UNC13B: variants seen among roughly 807,000 people sequenced by gnomAD.
UNC13B encodes unc-13 homolog B, also known as protein unc-13 homolog B.
Under a neutral mutation model 211.0 loss-of-function variants are expected in UNC13B, and 144 were observed. The observed-to-expected ratio is 0.68, with a 90% CI of 0.60 to 0.78. The LOEUF (loss-of-function observed/expected upper bound fraction) is 0.78. Among genes scored for constraint, UNC13B ranks in the 30% least tolerant of loss-of-function variants. UNC13B has a pLI of 0.00. For synonymous variants in UNC13B, 709 were observed against 725.8 expected (o/e 0.98, Z 0.37); for missense variants, 1,777 against 2,002.0 (o/e 0.89, Z 2.14).
intron 7 of UNC13B, among the ~76,000 whole-genome samples, chr9:35,282,546 T>G (rs2131732956): frequency 1.3e-5 from 2 of 152,176 alleles, no homozygotes; most frequent in Admixed American, 1.3e-4. Context: ...ATTCTCCTGC[T>G]TTAGCCTCCT....
chr9:35,259,177 A>G, intron 7 of UNC13B, 127 bp downstream of exon 7: 1 of 989,530 alleles, frequency 1.0e-6, no homozygotes, highest in Non-Finnish European at 1.5e-6. Context: ...TTCCTGAAGC[A>G]CATCTGTTCA....
chr9:35,290,574 T>A (rs1022617433), intron 7 of UNC13B, among the ~76,000 whole-genome samples: 5 of 151,102 alleles, frequency 3.3e-5, no homozygotes, highest in Admixed American at 2.6e-4. Context: ...CTATCTTCGC[T>A]CCCAGACAAG....
chr9:35,223,882 T>C (rs1304169806), intron 1 of UNC13B, among the ~76,000 whole-genome samples: 1 of 152,214 alleles, frequency 6.6e-6, no homozygotes, highest in Non-Finnish European at 1.5e-5. Context: ...TATTCAGTTT[T>C]CCCAACACCA....
intron 17 of UNC13B, 75 bp downstream of exon 17, chr9:35,378,511 G>A: frequency 6.3e-7 from 1 of 1,587,656 alleles, no homozygotes; most frequent in Non-Finnish European, 8.6e-7. Flanking sequence ...GCCATTCTGG[G>A]CTTGAGCTTG....
At chr9:35,215,557 GGTT>G (rs1000251149) in intron 1 of UNC13B, among the ~76,000 whole-genome samples, 8 of 152,178 alleles carry the variant, frequency 5.3e-5, no homozygotes, top group African/African-American at 1.9e-4. Flanking sequence ...AGTAGTCTAA[GGTT>G]GTGTTTTTTT....
intron 36 of UNC13B, 54 bp downstream of exon 36, chr9:35,399,783 G>GGCATTC: frequency 6.4e-7 from 1 of 1,568,582 alleles, no homozygotes; most frequent in Admixed American, 1.7e-5. Context: ...ACTTGGCCCT[G>GGCATTC]GCATTCCACT....
At chr9:35,182,162 G>T (rs981740510) in intron 1 of UNC13B, among the ~76,000 whole-genome samples, 3 of 152,156 alleles carry the variant, frequency 2.0e-5, no homozygotes, top group African/African-American at 7.2e-5. Context: ...GTGTGTTAGA[G>T]CTCTTTATAT....
At chr9:35,175,201 A>G (rs1821558613) in intron 1 of UNC13B, among the ~76,000 whole-genome samples, 1 of 152,236 alleles carries the variant, frequency 6.6e-6, no homozygotes, top group African/African-American at 2.4e-5. Flanking sequence ...GATATATTGA[A>G]TTGAATGTAT....
chr9:35,404,841 G>C lies in UNC13B; in HGVS notation c.*808G>C, dbSNP rs193293415. ...CCTGAGGGCTAGTTGAAGGATCCAG[G>C]AGTATTTTCTTCTTGGGTGGGCCCT... On this transcript the variant is annotated 3_prime_UTR_variant, in exon 40 of 40. Coordinates refer to ENST00000635942, the MANE Select transcript of UNC13B (RefSeq NM_001371189.2). The C allele has an allele frequency of 6.5e-6, 1 of 152,698 alleles. No individual in the cohort carries two copies. Among genetic ancestry groups the C allele is most frequent in the East Asian group, 1.9e-4 (1 of 5,178 alleles). The allele number at this position is 152,698 out of a possible 1,614,324, so 9.5% of individuals were successfully genotyped here. A position where few individuals can be genotyped will look rare whatever the true frequency, so the allele number is the denominator to read the frequency against.
chr9:35,365,343 G>A (rs906718722), intron 11 of UNC13B, among the ~76,000 whole-genome samples: 1 of 152,206 alleles, frequency 6.6e-6, no homozygotes, highest in Admixed American at 6.5e-5. Context: ...TCAGACACAA[G>A]TTGTGTGTAC....
At chr9:35,353,391 C>A in intron 11 of UNC13B, 1 of 1,232,258 alleles carries the variant, frequency 8.1e-7, no homozygotes, top group South Asian at 4.1e-5. Context: ...GGTTCCCAGT[C>A]AGAGAACAGT....
Position 35,381,075 on chromosome 9 carries a change from A to G in UNC13B, c.10376-25A>G, listed in dbSNP as rs764173856. 5 of 1,602,750 alleles carry G rather than the reference A, an allele frequency of 3.1e-6. 1 individual carries two copies. In the South Asian group the frequency reaches 4.4e-5, roughly 14 times the overall value. On this transcript the variant is annotated intron_variant, in intron 18 of 39. Transcript: ENST00000635942. ...ATGCTGTCTAGTTGCATTGGTGTCA[A>G]TCTCCAGTCTTCTTTCCTTCCTAGA...
intron 1 of UNC13B, among the ~76,000 whole-genome samples, chr9:35,213,546 T>C (rs1441021950): frequency 6.6e-6 from 1 of 152,156 alleles, no homozygotes; most frequent in Non-Finnish European, 1.5e-5. Context: ...ATTCTTACCA[T>C]AAAGGCATAG....
At chr9:35,401,355 G>C (rs914960783) in intron 37 of UNC13B, among the ~76,000 whole-genome samples, 1 of 152,180 alleles carries the variant, frequency 6.6e-6, no homozygotes, top group Non-Finnish European at 1.5e-5. Flanking sequence ...TTCCCCATCT[G>C]TTCTCATTTC....
chr9:35,393,894 T>A (rs1835706250), intron 26 of UNC13B, among the ~76,000 whole-genome samples: 1 of 152,074 alleles, frequency 6.6e-6, no homozygotes, highest in African/African-American at 2.4e-5. Flanking sequence ...TATCTTGAGG[T>A]AGCTGGGAGC....
At chr9:35,353,081 G>T (rs1274821490) in intron 11 of UNC13B, 1 of 1,232,206 alleles carries the variant, frequency 8.1e-7, no homozygotes, top group East Asian at 3.2e-5. Context: ...AAGGCTTGCA[G>T]CTCTGAGCTG....
intron 7 of UNC13B, among the ~76,000 whole-genome samples, chr9:35,271,614 T>A (rs988798530): frequency 3.3e-5 from 5 of 152,228 alleles, no homozygotes; most frequent in Non-Finnish European, 7.3e-5. Context: ...TACACTTCAC[T>A]CTTCAATAAG....
chr9:35,349,904 G>A (rs1390779528), intron 11 of UNC13B, among the ~76,000 whole-genome samples: 1 of 152,114 alleles, frequency 6.6e-6, no homozygotes, highest in Non-Finnish European at 1.5e-5. Context: ...GTTCTTTAAG[G>A]CATTTTCCCA....
At chr9:35,221,423 T>A (rs1824559153) in intron 1 of UNC13B, among the ~76,000 whole-genome samples, 1 of 152,222 alleles carries the variant, frequency 6.6e-6, no homozygotes, top group African/African-American at 2.4e-5. Context: ...GTTTTTAAAT[T>A]GGATTATTAG....
Sources: gnomAD v4.1 joint callset for allele counts (sites outside exome capture counted in the v4.1 genomes callset) on GRCh38, gnomAD v4.1.1 for gene constraint, MANE v1.5 for transcripts, NCBI Gene and HGNC (gene_info 2026-07-23, HGNC 2026-07-21) for gene names.